SLC22A8: variants seen among roughly 807,000 people sequenced by gnomAD.
SLC22A8 encodes organic anion transporter 3.
In SLC22A8, 40 loss-of-function variants were observed where a neutral mutation model predicts 48.4. That is an observed-to-expected ratio of 0.83 (90% CI 0.64 to 1.08). SLC22A8 has a LOEUF of 1.08. Among genes scored for constraint, SLC22A8 ranks in the 50% least tolerant of loss-of-function variants. The probability of loss-of-function intolerance (pLI) is 0.00; values close to 1 mark genes in which losing one functional copy is unlikely to be tolerated. For missense variants in SLC22A8, 606 were observed against 699.0 expected (o/e 0.87, Z 1.50); for synonymous variants, 268 against 286.3 (o/e 0.94, Z 0.65).
intron 2 of SLC22A8, among the ~76,000 whole-genome samples, chr11:63,013,719 A>C (rs915708337): frequency 1.3e-5 from 2 of 152,194 alleles, no homozygotes; most frequent in Non-Finnish European, 2.9e-5. Flanking sequence ...ATTTTTAAAA[A>C]TTCTGTAAGG....
At chr11:63,006,123 A>G (rs1394796714) in intron 2 of SLC22A8, among the ~76,000 whole-genome samples, 1 of 146,974 alleles carries the variant, frequency 6.8e-6, no homozygotes, top group Non-Finnish European at 1.5e-5. Flanking sequence ...GGCCCTTTTA[A>G]GAAAACTTAG....
chr11:62,996,206 A>G, intron 5 of SLC22A8, 54 bp from the exon 6 acceptor site: 2 of 1,524,314 alleles, frequency 1.3e-6, no homozygotes, highest in Non-Finnish European at 1.8e-6. Context: ...GCCCCTTTTG[A>G]GAGGCTGGAA....
chr11:63,003,364 G>A (rs1438390021), intron 2 of SLC22A8, among the ~76,000 whole-genome samples: 1 of 152,156 alleles, frequency 6.6e-6, no homozygotes, highest in Non-Finnish European at 1.5e-5. Context: ...TGGAATCTCC[G>A]GGTCCTACAG....
intron 3 of SLC22A8, 83 bp from the exon 4 acceptor site, chr11:62,999,925 G>T: frequency 4.1e-6 from 5 of 1,216,776 alleles, no homozygotes; most frequent in Non-Finnish European, 5.4e-6. Flanking sequence ...TGGGGCAAAG[G>T]GCTGAATCCG....
intron 2 of SLC22A8, among the ~76,000 whole-genome samples, chr11:63,014,090 G>A (rs915743372): frequency 2.6e-5 from 4 of 152,266 alleles, no homozygotes; most frequent in South Asian, 2.1e-4. Context: ...CCACCTTGGG[G>A]TCTTTGCACA....
intron 2 of SLC22A8, among the ~76,000 whole-genome samples, chr11:63,008,784 CG>C (rs2135141155): frequency 1.3e-5 from 2 of 152,300 alleles, no homozygotes; most frequent in East Asian, 3.9e-4. Flanking sequence ...CAACACCCCC[CG>C]TCTTCTGTAA....
At chr11:63,006,561 T>A (rs2135137106) in intron 2 of SLC22A8, among the ~76,000 whole-genome samples, 1 of 150,454 alleles carries the variant, frequency 6.6e-6, no homozygotes, top group Middle Eastern at 3.4e-3. Flanking sequence ...CTGTATTCTG[T>A]AATCTTGCTG....
rs755172993 is a variant in SLC22A8, at chr11:63,014,743, C to A, written c.216G>T (p.Arg72Ser). ...LPMGPNGKPE[R>S]CLRFVHPPNA... Reference sequence around the variant, plus strand: ...TGGGCGGATGTACAAAACGGAGGCACCTCTCAGGCTTCCCATTTGGGCCCA... The same window carrying A: ...TGGGCGGATGTACAAAACGGAGGCAACTCTCAGGCTTCCCATTTGGGCCCA... Residue 72 changes from arginine (R) to serine (S), a missense_variant, in exon 2 of 11, where the codon AGG becomes AGT. By Grantham distance (110) the Arg-to-Ser change is moderately radical. Coordinates refer to ENST00000336232, the MANE Select transcript of SLC22A8 (RefSeq NM_004254.4). 3 of 1,614,120 alleles carry A rather than the reference C, an allele frequency of 1.9e-6. No homozygotes were observed. Among genetic ancestry groups the A allele is most frequent in the South Asian group, 1.1e-5 (1 of 91,072 alleles).
chr11:62,995,927 G>A lies in SLC22A8; in HGVS notation c.885+102C>T, dbSNP rs779910211. On this transcript the variant is annotated intron_variant, in intron 6 of 10. Transcript: ENST00000336232. ...TCTAGAGGAGCTCAGGGAATCAGATGTGGTATAGGCTGTGAGCCAGGGGAA... is the reference window on the plus strand; with the variant it reads ...TCTAGAGGAGCTCAGGGAATCAGATATGGTATAGGCTGTGAGCCAGGGGAA... 2.4e-5 allele frequency: 37 copies of A among 1,554,710 alleles called. No homozygotes were observed. In the Middle Eastern group the frequency reaches 8.4e-4, roughly 35 times the overall value.
chr11:62,993,241 C>T lies in SLC22A8; in HGVS notation c.1625G>A (p.Ser542Asn). Residue 542 changes from serine to asparagine, a missense_variant, in exon 11 of 11, where the codon AGC (serine) becomes AAC (asparagine). Transcript: ENST00000336232. ...GGAAAGGGGGTTCCGTTGTCCTCAGCTGGAGCCCAGGCCTGGTCCGTGAGG... is the reference window on the plus strand; with the variant it reads ...GGAAAGGGGGTTCCGTTGTCCTCAGTTGGAGCCCAGGCCTGGTCCGTGAGG... ...LQPHGPGLGS[S>N] The T allele has an allele frequency of 6.2e-7, 1 of 1,611,446 alleles. No individual in the cohort carries two copies. The highest frequency in any genetic ancestry group is 2.2e-5 in the East Asian group (1 of 44,866).
chr11:62,996,049 C>T lies in SLC22A8; in HGVS notation c.865G>A (p.Gly289Arg), dbSNP rs1380439989. 2 of 1,613,960 alleles carry T rather than the reference C, an allele frequency of 1.2e-6. No individual in the cohort carries two copies. Among genetic ancestry groups the T allele is most frequent in the African/African-American group, 1.3e-5 (1 of 74,870 alleles). ...CCTACCTCCAAGCTGAGCCTTTCTCCCTCTTCCTTCTTGCCATTGAAGACA... is the reference window on the plus strand; with the variant it reads ...CCTACCTCCAAGCTGAGCCTTTCTCTCTCTTCCTTCTTGCCATTGAAGACA... ...VAVFNGKKEEGERLSLEELKL... is the reference protein window; with the variant it reads ...VAVFNGKKEERERLSLEELKL... The change falls in exon 6 of 11, where the codon GGA becomes AGA. Residue 289 changes from glycine (G) to arginine (R), a missense_variant. Coordinates refer to ENST00000336232, the MANE Select transcript of SLC22A8 (RefSeq NM_004254.4).
chr11:62,994,858 T>C (rs2086396258), intron 7 of SLC22A8, 102 bp from the exon 8 acceptor site: 1 of 860,316 alleles, frequency 1.2e-6, no homozygotes, highest in South Asian at 1.4e-5. Flanking sequence ...TCACTTCTTG[T>C]GCCAACTGCA....
In SLC22A8 at chr11:63,014,628, C is replaced by T. The variant is rs1201305593; in HGVS notation, c.331G>A (p.Glu111Lys). ...GGAGAGGGTTTGCCCAGGCATACCT[C>T]TGTCACAATGGAGTCCTTGGTGCTG... ...YNSTKDSIVT[E>K]WDLVCNSNKL... The change falls in exon 2 of 11, where the codon GAG becomes AAG. Residue 111 changes from glutamate (E) to lysine (K), a missense_variant and splice_region_variant. Glu to Lys is a moderately conservative substitution (Grantham distance 56). Transcript: ENST00000336232. 1 of 1,584,602 alleles carries T rather than the reference C, an allele frequency of 6.3e-7. No individual in the cohort carries two copies. Among genetic ancestry groups the T allele is most frequent in the Non-Finnish European group, 8.6e-7 (1 of 1,158,996 alleles).
At chr11:63,006,640 C>T (rs1441059268) in intron 2 of SLC22A8, among the ~76,000 whole-genome samples, 1 of 89,526 alleles carries the variant, frequency 1.1e-5, no homozygotes, top group East Asian at 3.8e-4. Context: ...CAGAGTCTTG[C>T]TCTGTTACTC....
At chr11:63,012,553 C>G (rs368947110) in intron 2 of SLC22A8, among the ~76,000 whole-genome samples, 20 of 152,164 alleles carry the variant, frequency 1.3e-4, no homozygotes, top group Non-Finnish European at 2.2e-4. Context: ...CCAGCAAGCC[C>G]GCCTCAATCC....
At chr11:62,997,758 C>T (rs1174881136) in intron 5 of SLC22A8, among the ~76,000 whole-genome samples, 1 of 152,230 alleles carries the variant, frequency 6.6e-6, no homozygotes, top group East Asian at 1.9e-4. Context: ...TGCTTCACAT[C>T]TCTGAGCCTC....
rs199969133 is a variant in SLC22A8 at position 62,995,996 on chromosome 11, T to C, written c.885+33A>G. The C allele has an allele frequency of 3.5e-3, 5,695 of 1,613,250 alleles. 16 individuals are homozygous for C. Among genetic ancestry groups the C allele is most frequent in the Non-Finnish European group, 4.6e-3 (5,392 of 1,179,382 alleles). Reference sequence around the variant, plus strand: ...CCAGCCCAAGAGTGGAGCACAGGGGTTCTGCTCCCAGACTATAGTCCTCAG... The same window carrying C: ...CCAGCCCAAGAGTGGAGCACAGGGGCTCTGCTCCCAGACTATAGTCCTCAG... On this transcript the variant is annotated intron_variant, in intron 6 of 10. Coordinates refer to ENST00000336232, the MANE Select transcript of SLC22A8 (RefSeq NM_004254.4).
At chr11:63,011,330 G>A (rs747920174) in intron 2 of SLC22A8, among the ~76,000 whole-genome samples, 1 of 152,220 alleles carries the variant, frequency 6.6e-6, no homozygotes, top group Admixed American at 6.5e-5. Flanking sequence ...TTATGTGGCC[G>A]AAGTGCTTAG....
chr11:63,000,930 C>T, intron 2 of SLC22A8, 107 bp from the exon 3 acceptor site: 1 of 819,770 alleles, frequency 1.2e-6, no homozygotes, highest in Non-Finnish European at 2.1e-6. Flanking sequence ...AGCGCCCTGA[C>T]TTTGCCCCTA....
Sources: allele counts gnomAD v4.1 joint callset (sites outside exome capture counted in the v4.1 genomes callset), GRCh38; gene constraint gnomAD v4.1.1; transcripts MANE v1.5; gene names NCBI Gene and HGNC (gene_info 2026-07-23, HGNC 2026-07-21).